GRIN3A: variants seen among roughly 807,000 people sequenced by gnomAD.
GRIN3A encodes the protein glutamate receptor ionotropic, NMDA 3A.
In GRIN3A, 47 loss-of-function variants were observed where a neutral mutation model predicts 92.4. That is an observed-to-expected ratio of 0.51 (90% CI 0.40 to 0.65). GRIN3A has a LOEUF of 0.65. Among genes scored for constraint, GRIN3A ranks in the 30% least tolerant of loss-of-function variants. The pLI is 0.00. For missense variants in GRIN3A, 1,324 were observed against 1,393.1 expected (o/e 0.95, Z 0.79); for synonymous variants, 527 against 540.6 (o/e 0.97, Z 0.35).
intron 7 of GRIN3A, among the ~76,000 whole-genome samples, chr9:101,578,316 C>T (rs888183756): frequency 2.0e-5 from 3 of 151,644 alleles, no homozygotes; most frequent in Non-Finnish European, 2.9e-5. Context: ...GTAGGAAGAA[C>T]AGGGTTCAAC....
chr9:101,678,094 G>A (rs777043173), intron 2 of GRIN3A, among the ~76,000 whole-genome samples: 10 of 152,112 alleles, frequency 6.6e-5, no homozygotes, highest in Non-Finnish European at 2.9e-5. Flanking sequence ...CTATCTCACT[G>A]AGTCATCTTT....
intron 2 of GRIN3A, among the ~76,000 whole-genome samples, chr9:101,680,890 A>T (rs1040775642): frequency 2.6e-5 from 4 of 152,254 alleles, no homozygotes; most frequent in Non-Finnish European, 4.4e-5. Flanking sequence ...AAAGAAGAAA[A>T]GGAGGATTCT....
rs759445268 is a variant in GRIN3A at position 101,700,512 on chromosome 9, C to T, written c.700-13312G>A. Among the ~76,000 whole-genome samples the T allele has an allele frequency of 5.9e-5, 9 of 152,136 alleles. 1 individual carries two copies. Among genetic ancestry groups the T allele is most frequent in the Non-Finnish European group, 1.3e-4 (9 of 68,032 alleles). On this transcript the variant is annotated intron_variant, in intron 1 of 8. Transcript: ENST00000361820. Reference sequence around the variant, plus strand: ...CTGAGGCACTGGCTGGAAATACAGGCAAATCATGATATGTGCAAACTCAAT... The same window carrying T: ...CTGAGGCACTGGCTGGAAATACAGGTAAATCATGATATGTGCAAACTCAAT...
intron 1 of GRIN3A, among the ~76,000 whole-genome samples, chr9:101,723,381 G>A (rs562893932): frequency 2.0e-5 from 3 of 152,072 alleles, no homozygotes; most frequent in South Asian, 2.1e-4. Context: ...CGGTGGGCTT[G>A]TGGTCTCGCT....
At chr9:101,637,153 C>T (rs1210518533) in intron 3 of GRIN3A, among the ~76,000 whole-genome samples, 2 of 151,860 alleles carry the variant, frequency 1.3e-5, no homozygotes, top group African/African-American at 2.4e-5. Flanking sequence ...AGTGCAGTGG[C>T]GCCATCTCGG....
intron 2 of GRIN3A, among the ~76,000 whole-genome samples, chr9:101,678,652 A>T (rs1260626354): frequency 6.6e-6 from 1 of 152,138 alleles, no homozygotes; most frequent in African/African-American, 2.4e-5. Flanking sequence ...GAGAGCTCCT[A>T]CCTTTCTTGA....
At chr9:101,735,028 G>T (rs1830184165) in intron 1 of GRIN3A, among the ~76,000 whole-genome samples, 1 of 151,704 alleles carries the variant, frequency 6.6e-6, no homozygotes, top group South Asian at 2.1e-4. Context: ...GAGAAGCAAG[G>T]GAAAGATCAG....
chr9:101,634,001 C>T (rs1828746451), intron 3 of GRIN3A, among the ~76,000 whole-genome samples: 1 of 151,956 alleles, frequency 6.6e-6, no homozygotes, highest in African/African-American at 2.4e-5. Flanking sequence ...GCCTGTTACG[C>T]TGTTACTTCT....
chr9:101,686,285 G>C (rs1193575403), intron 2 of GRIN3A, among the ~76,000 whole-genome samples: 1 of 151,940 alleles, frequency 6.6e-6, no homozygotes, highest in African/African-American at 2.4e-5. Context: ...ATTCTATTTT[G>C]CTAGTTAGAA....
chr9:101,685,599 A>G (rs1292013013), intron 2 of GRIN3A, among the ~76,000 whole-genome samples: 2 of 151,330 alleles, frequency 1.3e-5, no homozygotes, highest in East Asian at 3.9e-4. Flanking sequence ...AATCACCAAA[A>G]CCATTTCCAT....
chr9:101,648,902 GT>G lies in GRIN3A; in HGVS notation c.2353-20502del, dbSNP rs199754670. On this transcript the variant is annotated intron_variant, in intron 3 of 8. Transcript: ENST00000361820. ...TAATGTCAGACTTAAACACTGGACTGTTTTTTTTTCCCATTATGGGAAGAAC... is the reference window on the plus strand; with the variant it reads ...TAATGTCAGACTTAAACACTGGACTGTTTTTTTTCCCATTATGGGAAGAAC... Among the ~76,000 whole-genome samples the G allele has an allele frequency of 2.0e-5, 3 of 150,648 alleles. No individual in the cohort carries two copies. In the Middle Eastern group the frequency reaches 0.01, roughly 512 times the overall value.
At chr9:101,610,196 C>T (rs190564270) in intron 6 of GRIN3A, among the ~76,000 whole-genome samples, 2 of 152,320 alleles carry the variant, frequency 1.3e-5, no homozygotes, top group Non-Finnish European at 2.9e-5. Flanking sequence ...ACGCAAATCT[C>T]TCTAAATAAA....
At chr9:101,712,377 G>C (rs896551877) in intron 1 of GRIN3A, among the ~76,000 whole-genome samples, 7 of 152,080 alleles carry the variant, frequency 4.6e-5, no homozygotes, top group African/African-American at 1.7e-4. Flanking sequence ...AATTCTTCCT[G>C]GACTTCACTA....
At chr9:101,642,536 G>A (rs1828880202) in intron 3 of GRIN3A, among the ~76,000 whole-genome samples, 1 of 152,106 alleles carries the variant, frequency 6.6e-6, no homozygotes, top group Non-Finnish European at 1.5e-5. Flanking sequence ...CAAAATGAAA[G>A]GGCAACCTAT....
chr9:101,623,157 T>C (rs1431063568), intron 5 of GRIN3A, among the ~76,000 whole-genome samples, 161 bp downstream of exon 5: 1 of 152,302 alleles, frequency 6.6e-6, no homozygotes, highest in East Asian at 1.9e-4. Context: ...AAAAATAAAT[T>C]CCTAACTTCA....
In GRIN3A at chr9:101,671,054, C is replaced by T. The variant is rs373415839; in HGVS notation, c.1358G>A (p.Gly453Asp). ...RGLSGSIRVK[G>D]STIVSSENNF... ...GTTTTCTGAGCTGACGATGGTGGAACCTTTTACTCTGATGGAACCACTGAG... is the reference window on the plus strand; with the variant it reads ...GTTTTCTGAGCTGACGATGGTGGAATCTTTTACTCTGATGGAACCACTGAG... Residue 453 changes from glycine (G) to aspartate (D), a missense_variant, in exon 3 of 9, where the codon GGT becomes GAT. Physicochemically the swap from Gly to Asp is moderately conservative, Grantham distance 94. Coordinates refer to ENST00000361820, the MANE Select transcript of GRIN3A (RefSeq NM_133445.3). 27 of 1,613,750 alleles carry T rather than the reference C, an allele frequency of 1.7e-5. No homozygotes were observed. Among genetic ancestry groups the T allele is most frequent in the Middle Eastern group, 1.6e-4 (1 of 6,080 alleles).
intron 2 of GRIN3A, among the ~76,000 whole-genome samples, chr9:101,682,941 C>T (rs1250108892): frequency 1.3e-5 from 2 of 152,234 alleles, no homozygotes; most frequent in East Asian, 3.9e-4. Context: ...GAGATTGCGC[C>T]ACCGCACTCC....
chr9:101,726,684 A>G (rs1413561867), intron 1 of GRIN3A, among the ~76,000 whole-genome samples: 2 of 151,102 alleles, frequency 1.3e-5, no homozygotes, highest in African/African-American at 4.8e-5. Context: ...AAATTAAAAA[A>G]ATATTTTATT....
chr9:101,691,160 A>G (rs1829612056), intron 1 of GRIN3A, among the ~76,000 whole-genome samples: 1 of 152,214 alleles, frequency 6.6e-6, no homozygotes, highest in Middle Eastern at 3.2e-3. Context: ...TAAAACATTT[A>G]CTAGTCAATA....
Sources: allele counts gnomAD v4.1 joint callset (sites outside exome capture counted in the v4.1 genomes callset), GRCh38; gene constraint gnomAD v4.1.1; transcripts MANE v1.5; gene names NCBI Gene and HGNC (gene_info 2026-07-23, HGNC 2026-07-21).